The following PCDH11X variants were observed in gnomAD, a reference collection of about 807,000 sequenced individuals.
The protein encoded by PCDH11X is protocadherin-11 X-linked.
A neutral mutation model predicts 53.3 loss-of-function variants in PCDH11X; 18 were observed. That is an observed-to-expected ratio of 0.34 (90% CI 0.23 to 0.50). The LOEUF is 0.50. Among genes scored for constraint, PCDH11X ranks in the 20% least tolerant of loss-of-function variants. The pLI, the probability that PCDH11X is intolerant of heterozygous loss-of-function variation, is 0.98. For missense variants in PCDH11X, 570 were observed against 1,032.4 expected (o/e 0.55, Z 6.14); for synonymous variants, 279 against 393.3 (o/e 0.71, Z 3.44).
chrX:91,802,634 A>G (rs1935973667), intron 1 of PCDH11X, among the ~76,000 whole-genome samples: 1 of 111,742 alleles, frequency 8.9e-6, no homozygotes, highest in Non-Finnish European at 1.9e-5. Flanking sequence ...AGTGATTTGT[A>G]TGGAGAATTG....
chrX:92,124,273 G>A (rs937937014), intron 6 of PCDH11X, among the ~76,000 whole-genome samples: 1 of 110,958 alleles, frequency 9.0e-6, no homozygotes, highest in African/African-American at 3.3e-5. Context: ...CAAGCCAGGT[G>A]TGGTGGCTCA....
intron 8 of PCDH11X, among the ~76,000 whole-genome samples, chrX:92,380,755 A>G (rs1389063612): frequency 9.0e-6 from 1 of 110,610 alleles, no homozygotes; most frequent in Admixed American, 9.7e-5. Context: ...CCCATCCTCA[A>G]TTTAGAAATA....
At chrX:92,169,876 G>A (rs1461260930) in intron 6 of PCDH11X, among the ~76,000 whole-genome samples, 1 of 110,504 alleles carries the variant, frequency 9.0e-6, no homozygotes, top group Non-Finnish European at 1.9e-5. Context: ...AGTCTTGTGC[G>A]GTGTACAAAC....
chrX:91,879,070 C>G lies in PCDH11X; in HGVS notation c.2830C>G (p.Pro944Ala). ...DLARHYKSAS[P>A]QPAFQIQPET... The stretch of plus-strand genomic sequence containing the variant: ...GGCCCGACACTACAAATCTGCCTCT[C>G]CACAGCCTGCCTTCCAAATTCAGCC... Residue 944 changes from proline to alanine, a missense_variant, in exon 6 of 11, where the codon CCA becomes GCA. By Grantham distance (27) the Pro-to-Ala change is conservative. Coordinates refer to ENST00000682573, the MANE Select transcript of PCDH11X (RefSeq NM_032968.5). The G allele has an allele frequency of 8.3e-7, 1 of 1,211,388 alleles. No individual in the cohort carries two copies. Among genetic ancestry groups the G allele is most frequent in the Non-Finnish European group, 1.1e-6 (1 of 895,436 alleles).
intron 6 of PCDH11X, among the ~76,000 whole-genome samples, chrX:91,932,004 A>G (rs2061391521): frequency 1.8e-5 from 2 of 110,362 alleles, no homozygotes; most frequent in African/African-American, 6.6e-5. Context: ...AAGAGGCCTC[A>G]GTGTGTGTTG....
intron 6 of PCDH11X, among the ~76,000 whole-genome samples, chrX:92,180,937 A>C (rs771535378): frequency 9.1e-6 from 1 of 110,322 alleles, no homozygotes; most frequent in African/African-American, 3.3e-5. Context: ...AATACAGTAA[A>C]TTGGTACCAG....
At chrX:91,985,387 C>T (rs2062213311) in intron 6 of PCDH11X, among the ~76,000 whole-genome samples, 2 of 111,699 alleles carry the variant, frequency 1.8e-5, no homozygotes, top group South Asian at 7.5e-4. Context: ...TGCCTATAAT[C>T]CCAGCTACTC....
intron 6 of PCDH11X, among the ~76,000 whole-genome samples, chrX:92,101,270 C>T (rs2148135768): frequency 9.0e-6 from 1 of 110,906 alleles, no homozygotes; most frequent in Non-Finnish European, 1.9e-5. Context: ...TTTTGGGGCA[C>T]AGTCTAAGTT....
At chrX:92,124,163 T>G (rs1395587799) in intron 6 of PCDH11X, among the ~76,000 whole-genome samples, 1 of 111,206 alleles carries the variant, frequency 9.0e-6, no homozygotes, top group Non-Finnish European at 1.9e-5. Context: ...TCCTCTATTT[T>G]ATGTGTCACA....
chrX:92,541,037 A>G (rs1482484768), intron 10 of PCDH11X, among the ~76,000 whole-genome samples: 2 of 110,759 alleles, frequency 1.8e-5, no homozygotes, highest in East Asian at 5.7e-4. Flanking sequence ...GCACTCTCTT[A>G]GCTGCCCCAG....
rs1208204006 is a variant in PCDH11X, at chrX:92,083,986, G to T, written c.3034-117389G>T. Among the ~76,000 whole-genome samples, 2 of 108,579 alleles carry T rather than the reference G, an allele frequency of 1.8e-5. 1 individual carries two copies. The highest frequency in any genetic ancestry group is 3.8e-5 in the Non-Finnish European group (2 of 52,365). The allele number at this position is 108,579 out of a possible 115,157, so 94.3% of individuals were successfully genotyped here. ...GCCTGTAATCCCAGCTACTCAAGAGGCTGAGGCAAGAGAACTACTTGAACC... is the reference window on the plus strand; with the variant it reads ...GCCTGTAATCCCAGCTACTCAAGAGTCTGAGGCAAGAGAACTACTTGAACC... On this transcript the variant is annotated intron_variant, in intron 6 of 10. Transcript: ENST00000682573.
chrX:91,932,601 G>C (rs2061400034), intron 6 of PCDH11X, among the ~76,000 whole-genome samples: 1 of 101,139 alleles, frequency 9.9e-6, no homozygotes. Flanking sequence ...GAAGAGAGCA[G>C]AGAGAACAAG....
intron 10 of PCDH11X, among the ~76,000 whole-genome samples, chrX:92,610,983 C>T (rs1213581061): frequency 1.3e-4 from 14 of 111,360 alleles, no homozygotes; most frequent in Non-Finnish European, 1.9e-4. Flanking sequence ...GTCCTGTGCT[C>T]TTTTTATTAC....
At chrX:92,167,438 TCTTAATGA>T (rs1473401583) in intron 6 of PCDH11X, among the ~76,000 whole-genome samples, 1 of 112,041 alleles carries the variant, frequency 8.9e-6, no homozygotes, top group African/African-American at 3.2e-5. Context: ...TAGGCAAGTA[TCTTAATGA>T]TATTTAATTT....
intron 6 of PCDH11X, among the ~76,000 whole-genome samples, chrX:91,909,503 T>C (rs1941303666): frequency 9.2e-6 from 1 of 108,963 alleles, no homozygotes. Context: ...CTCTTAAAGA[T>C]CTTACAGTGG....
intron 6 of PCDH11X, among the ~76,000 whole-genome samples, chrX:92,103,628 G>A (rs957988027): frequency 8.9e-6 from 1 of 111,948 alleles, no homozygotes; most frequent in Admixed American, 9.4e-5. Context: ...ACACAGATGG[G>A]ACGTGGCTTA....
Position 92,269,462 on chromosome X carries a change from A to G in PCDH11X, c.3144+6319A>G, listed in dbSNP as rs1223986630. ...ATCTTTCTATCCCATGCTTTGAATG[A>G]CTTTCCAAAGCTTTTCAACTATTTT... is the stretch of plus-strand genomic sequence containing the variant. On this transcript the variant is annotated intron_variant, in intron 8 of 10. Transcript: ENST00000682573. Among the ~76,000 whole-genome samples the G allele has an allele frequency of 5.4e-5, 6 of 111,854 alleles. No homozygotes were observed. In the Admixed American group the frequency reaches 5.7e-4, roughly 11 times the overall value.
At chrX:91,952,453 T>C (rs2061653098) in intron 6 of PCDH11X, among the ~76,000 whole-genome samples, 1 of 111,804 alleles carries the variant, frequency 8.9e-6, no homozygotes, top group African/African-American at 3.3e-5. Flanking sequence ...GAAGTTACCA[T>C]TTGTGAACTT....
intron 4 of PCDH11X, among the ~76,000 whole-genome samples, chrX:91,812,679 T>C (rs1002640321): frequency 1.1e-4 from 12 of 111,285 alleles, no homozygotes; most frequent in Non-Finnish European, 1.7e-4. Flanking sequence ...TTTTGTTAGT[T>C]CGTCTCAATG....
Sources: allele counts gnomAD v4.1 joint callset (sites outside exome capture counted in the v4.1 genomes callset), GRCh38; gene constraint gnomAD v4.1.1; transcripts MANE v1.5; gene names NCBI Gene and HGNC (gene_info 2026-07-23, HGNC 2026-07-21).